Variants in CHN2 observed in about 807,000 individuals in gnomAD.
The protein encoded by CHN2 is chimerin 2.
Under a neutral mutation model 56.3 loss-of-function variants are expected in CHN2, and 35 were observed. The observed-to-expected ratio is 0.62, with a 90% CI of 0.47 to 0.82. CHN2 has a LOEUF of 0.82. Among genes scored for constraint, CHN2 ranks in the 40% least tolerant of loss-of-function variants. The pLI is 0.00. For missense variants in CHN2, 491 were observed against 580.5 expected, an observed-to-expected ratio of 0.85 and a Z score of 1.58; for synonymous variants, 210 against 212.8, an observed-to-expected ratio of 0.99 and a Z score of 0.12.
At chr7:29,167,265 AC>A (rs1796038173) in intron 2 of CHN2, among the ~76,000 whole-genome samples, 1 of 152,236 alleles carries the variant, frequency 6.6e-6, no homozygotes, top group South Asian at 2.1e-4. Context: ...TTTGTCAAAT[AC>A]AATAATTCTA....
chr7:29,178,962 A>T (rs1342570675), intron 2 of CHN2, among the ~76,000 whole-genome samples: 1 of 152,104 alleles, frequency 6.6e-6, no homozygotes, highest in African/African-American at 2.4e-5. Context: ...TCCAGGCAGG[A>T]CCCCACCTAC....
chr7:29,213,076 T>G (rs112444579), intron 1 of CHN2: 261,091 of 1,593,778 alleles, frequency 0.16, 24,710 homozygotes, highest in Non-Finnish European at 0.19. Context: ...AAATTCACCT[T>G]CCAGTGACTT....
At chr7:29,338,293 T>C (rs188235759) in intron 1 of CHN2, among the ~76,000 whole-genome samples, 1 of 152,318 alleles carries the variant, frequency 6.6e-6, no homozygotes, top group African/African-American at 2.4e-5. Flanking sequence ...ATTCCAAGTC[T>C]GTAAGATGGG....
chr7:29,495,039 C>T (rs1211746138), intron 7 of CHN2, among the ~76,000 whole-genome samples: 1 of 141,202 alleles, frequency 7.1e-6, no homozygotes, highest in Admixed American at 7.4e-5. Flanking sequence ...TTCTATAATG[C>T]TTTATAACAT....
chr7:29,310,443 T>C (rs894568208), intron 1 of CHN2, among the ~76,000 whole-genome samples: 1 of 152,230 alleles, frequency 6.6e-6, no homozygotes, highest in African/African-American at 2.4e-5. Context: ...ATATAAAGAT[T>C]GAAACGGGAT....
chr7:29,225,379 G>A (rs1448790435), intron 1 of CHN2, among the ~76,000 whole-genome samples: 5 of 151,890 alleles, frequency 3.3e-5, no homozygotes, highest in African/African-American at 4.8e-5. Flanking sequence ...ATATATGTAC[G>A]GACTCTAAAA....
chr7:29,248,512 G>A (rs911453995), intron 1 of CHN2, among the ~76,000 whole-genome samples: 3 of 152,196 alleles, frequency 2.0e-5, no homozygotes, highest in African/African-American at 7.2e-5. Context: ...CCTGCCTGGA[G>A]TCTCCTCATC....
intron 1 of CHN2, among the ~76,000 whole-genome samples, chr7:29,313,872 C>G (rs565120618): frequency 6.6e-6 from 1 of 152,310 alleles, no homozygotes; most frequent in South Asian, 2.1e-4. Flanking sequence ...TGCAAGAGCT[C>G]CTTGGAGTCA....
intron 6 of CHN2, among the ~76,000 whole-genome samples, chr7:29,477,342 T>TTG (rs1554299496): frequency 6.6e-6 from 1 of 152,120 alleles, no homozygotes; most frequent in Admixed American, 6.5e-5. Context: ...GAAATAAAAA[T>TTG]TACTTGTTAT....
intron 1 of CHN2, among the ~76,000 whole-genome samples, chr7:29,279,425 T>C (rs1791497960): frequency 6.6e-6 from 1 of 152,264 alleles, no homozygotes; most frequent in South Asian, 2.1e-4. Context: ...AAGTTAGTTG[T>C]TTAGACATTG....
chr7:29,443,854 CCAAAGCAGGT>C (rs1783847600), intron 6 of CHN2, among the ~76,000 whole-genome samples: 1 of 152,132 alleles, frequency 6.6e-6, no homozygotes, highest in Admixed American at 6.5e-5. Flanking sequence ...ATTTTATTAC[CCAAAGCAGGT>C]CATATGGTCA....
At chr7:29,459,625 G>C (rs1785005493) in intron 6 of CHN2, among the ~76,000 whole-genome samples, 1 of 152,180 alleles carries the variant, frequency 6.6e-6, no homozygotes, top group Non-Finnish European at 1.5e-5. Context: ...AATTCCAGGA[G>C]CTGACCCAGC....
intron 3 of CHN2, among the ~76,000 whole-genome samples, chr7:29,374,855 C>CCTTCCTTCCTT (rs1562557554): frequency 1.4e-4 from 10 of 69,774 alleles, no homozygotes; most frequent in Non-Finnish European, 2.2e-4. Flanking sequence ...CTTCCTGCCT[C>CCTTCCTTCCTT]CCTCCCTCCC....
intron 6 of CHN2, among the ~76,000 whole-genome samples, chr7:29,423,834 A>C (rs1270872343): frequency 6.6e-6 from 1 of 152,034 alleles, no homozygotes; most frequent in Non-Finnish European, 1.5e-5. Flanking sequence ...GAAACATCCC[A>C]TATCCTGGTC....
intron 1 of CHN2, among the ~76,000 whole-genome samples, chr7:29,221,978 G>C (rs1418527897): frequency 6.6e-6 from 1 of 152,118 alleles, no homozygotes; most frequent in Non-Finnish European, 1.5e-5. Context: ...CATATACCCA[G>C]TAATGGAATT....
At chr7:29,480,099 G>C in intron 6 of CHN2, 180 bp from the exon 7 acceptor site, 1 of 1,551,940 alleles carries the variant, frequency 6.4e-7, no homozygotes, top group Non-Finnish European at 8.7e-7. Flanking sequence ...AAAGAGCTGG[G>C]ATCCAGGCAC....
intron 1 of CHN2, among the ~76,000 whole-genome samples, chr7:29,320,607 G>A (rs1370816587): frequency 6.6e-6 from 1 of 152,152 alleles, no homozygotes; most frequent in African/African-American, 2.4e-5. Context: ...CTAACAGCTA[G>A]TTGGATCCCA....
intron 3 of CHN2, among the ~76,000 whole-genome samples, chr7:29,374,841 CT>C (rs1452519470): frequency 1.3e-4 from 20 of 149,406 alleles, no homozygotes; most frequent in African/African-American, 4.4e-4. Context: ...TCCTTCCTTC[CT>C]TCCTTCCTGC....
At chr7:29,482,797 C>CTTTTCTTTTTT (rs1787429870) in intron 7 of CHN2, among the ~76,000 whole-genome samples, 2 of 64,206 alleles carry the variant, frequency 3.1e-5, no homozygotes, top group Non-Finnish European at 5.8e-5. Context: ...GCACTTTTTT[C>CTTTTCTTTTTT]TTTTTTTTTT....
Sources: allele counts gnomAD v4.1 joint callset (sites outside exome capture counted in the v4.1 genomes callset), GRCh38; gene constraint gnomAD v4.1.1; transcripts MANE v1.5; gene names NCBI Gene and HGNC (gene_info 2026-07-23, HGNC 2026-07-21).